The following COL20A1 variants were observed in gnomAD, a reference collection of about 807,000 sequenced individuals.
COL20A1 encodes the protein collagen type XX alpha 1 chain.
COL20A1 carries 164 observed loss-of-function variants against 152.9 expected under a neutral mutation model. The ratio of observed to expected loss-of-function variants is 1.07; its 90% CI spans 0.94 to 1.22. The LOEUF (loss-of-function observed/expected upper bound fraction) is 1.22, where lower values mean the gene tolerates loss of function less well. COL20A1 is among the 50% of genes most tolerant of loss of function. The probability of loss-of-function intolerance (pLI) is 0.00; values close to 1 mark genes in which losing one functional copy is unlikely to be tolerated. For missense variants in COL20A1, 1,873 were observed against 1,744.8 expected (o/e 1.07, Z -1.31); for synonymous variants, 864 against 756.0 (o/e 1.14, Z -2.34).
rs983864676 is a variant in COL20A1, at chr20:63,311,285, A to C, written c.1394-109A>C. 26 of 1,222,810 alleles carry C rather than the reference A, an allele frequency of 2.1e-5. No homozygotes were observed. Among genetic ancestry groups the C allele is most frequent in the Non-Finnish European group, 2.8e-5 (25 of 900,154 alleles). The allele number at this position is 1,222,810 out of a possible 1,614,324, so 75.7% of individuals were successfully genotyped here. ...GGAAGTGCCACTTTGAATCCTGTGC[A>C]CCTGCCAGGCGGTGGCCGTGCCCAC... On this transcript the variant is annotated intron_variant, in intron 11 of 35. Coordinates refer to ENST00000358894, the MANE Select transcript of COL20A1 (RefSeq NM_020882.4). The surrounding 1 kb of genome is among the most constrained non-coding windows in gnomAD (Gnocchi z 4.4).
intron 29 of COL20A1, 31 bp downstream of exon 29, chr20:63,325,752 A>G: frequency 6.3e-7 from 1 of 1,599,700 alleles, no homozygotes; most frequent in Non-Finnish European, 8.6e-7. Flanking sequence ...GGGTTCTGTC[A>G]GGGTGGTAGA....
chr20:63,329,195 G>A lies in COL20A1; in HGVS notation c.3782-390G>A, dbSNP rs1026105640. ...CTGGGGGCAACCTGGGGGGAGCCCC[G>A]TGGGCTGTGGGAACCCCTGCCCCCG... On this transcript the variant is annotated intron_variant, in intron 34 of 35. Transcript: ENST00000358894. 9.7e-5 allele frequency: 21 copies of A among 217,278 alleles called. 1 individual carries two copies. The highest frequency in any genetic ancestry group is 9.3e-4 in the South Asian group (11 of 11,766). The allele number at this position is 217,278 out of a possible 1,614,324, so 13.5% of individuals were successfully genotyped here. A position where few individuals can be genotyped will look rare whatever the true frequency, so the allele number is the denominator to read the frequency against.
In COL20A1 at chr20:63,319,719, C is replaced by T; in HGVS notation, c.2916+123C>T. 2 of 661,554 alleles carry T rather than the reference C, an allele frequency of 3.0e-6. No homozygotes were observed. The highest frequency in any genetic ancestry group is 5.2e-6 in the Non-Finnish European group (2 of 384,066). The allele number at this position is 661,554 out of a possible 1,614,324, so 41.0% of individuals were successfully genotyped here. On this transcript the variant is annotated intron_variant, in intron 23 of 35. Transcript: ENST00000358894. This position sits in a 1 kb window ranked among gnomAD's most constrained non-coding sequence, Gnocchi z 4.4. ...GAGCAGGACCTTCCTTGGGAGGGAACATTGACCTGGGGCTCTGTTCCTCTA... is the reference window on the plus strand; with the variant it reads ...GAGCAGGACCTTCCTTGGGAGGGAATATTGACCTGGGGCTCTGTTCCTCTA...
intron 21 of COL20A1, among the ~76,000 whole-genome samples, chr20:63,318,435 G>GC (rs963486774): frequency 6.6e-6 from 1 of 152,162 alleles, no homozygotes; most frequent in African/African-American, 2.4e-5. Context: ...TCTATCAGAG[G>GC]CCCGAGACCC....
intron 1 of COL20A1, among the ~76,000 whole-genome samples, chr20:63,294,131 G>A (rs373058298): frequency 9.6e-5 from 10 of 104,314 alleles, no homozygotes; most frequent in Middle Eastern, 4.5e-3. Context: ...GTGCAGGGGA[G>A]CGGAGTGTGA....
chr20:63,312,752 CAG>C (rs2068027058), intron 15 of COL20A1, 38 bp from the exon 16 acceptor site: 2 of 1,507,458 alleles, frequency 1.3e-6, no homozygotes, highest in Non-Finnish European at 8.9e-7. Flanking sequence ...TGCCCAGGCT[CAG>C]GGGCTACACC....
intron 34 of COL20A1, 56 bp from the exon 35 acceptor site, chr20:63,329,529 C>T: frequency 7.8e-6 from 11 of 1,403,920 alleles, no homozygotes; most frequent in Non-Finnish European, 1.1e-5. Flanking sequence ...CCCGTCAGAA[C>T]AGGGCCCCAA....
intron 29 of COL20A1, 85 bp downstream of exon 29, chr20:63,325,806 G>T (rs2068238510): frequency 8.0e-6 from 10 of 1,247,812 alleles, no homozygotes; most frequent in Admixed American, 1.9e-5. Flanking sequence ...AGGCTGTGGG[G>T]TAGGGAGGGG....
chr20:63,299,740 G>A (rs1238333911), intron 3 of COL20A1, among the ~76,000 whole-genome samples: 1 of 151,830 alleles, frequency 6.6e-6, no homozygotes, highest in Non-Finnish European at 1.5e-5. Context: ...TCTTCAGTGA[G>A]GTGGTTATTT....
rs1013724873 is a variant in COL20A1, at chr20:63,308,093, A to G, written c.775+3A>G. 1.9e-6 allele frequency: 3 copies of G among 1,601,232 alleles called. No individual in the cohort carries two copies. Among genetic ancestry groups the G allele is most frequent in the Non-Finnish European group, 2.5e-6 (3 of 1,179,462 alleles). On this transcript the variant is annotated splice_donor_region_variant and intron_variant, in intron 7 of 35. Coordinates refer to ENST00000358894, the MANE Select transcript of COL20A1 (RefSeq NM_020882.4). Reference sequence around the variant, plus strand: ...CAAGGGGGGGAACACGTTCACAGGTACGGCCCAGGCCTGCCCCTCCCTCTG... The same window carrying G: ...CAAGGGGGGGAACACGTTCACAGGTGCGGCCCAGGCCTGCCCCTCCCTCTG...
chr20:63,322,770 C>T (rs2068184169), intron 27 of COL20A1, among the ~76,000 whole-genome samples: 1 of 152,258 alleles, frequency 6.6e-6, no homozygotes, highest in South Asian at 2.1e-4. Context: ...AGCAAGGCCG[C>T]CCTCCTCCCG....
In COL20A1 at chr20:63,307,487, C is replaced by A. The variant is rs2067940922; in HGVS notation, c.497-3C>A. On this transcript the variant is annotated splice_region_variant and splice_polypyrimidine_tract_variant and intron_variant, in intron 5 of 35. Transcript: ENST00000358894. ...AGCACCTGACCCGCTCCCACCGCCC[C>A]AGCCGGCCCCCAGTTCCGCTGCCTG... 1 of 1,610,322 alleles carries A rather than the reference C, an allele frequency of 6.2e-7. No individual in the cohort carries two copies.
intron 34 of COL20A1, 193 bp from the exon 35 acceptor site, chr20:63,329,392 A>C: frequency 3.5e-6 from 2 of 578,624 alleles, no homozygotes; most frequent in South Asian, 2.0e-5. Flanking sequence ...CAGAACTGTC[A>C]TGGAGCCCAG....
chr20:63,316,000 G>A (rs2068079031), intron 20 of COL20A1, among the ~76,000 whole-genome samples: 1 of 152,222 alleles, frequency 6.6e-6, no homozygotes, highest in Non-Finnish European at 1.5e-5. Flanking sequence ...GTGGTGGCTG[G>A]CACCTGCGGC....
Position 63,309,441 on chromosome 20 carries a change from T to C in COL20A1, c.1049T>C (p.Leu350Pro). ...DFLQLGALAG[L>P]LSRLICQRLQ... is the part of the protein sequence containing the mutation. ...CTGCAGCTCGGCGCGCTGGCTGGCC[T>C]GCTCAGCCGTCTCATCTGCCAGAGG... Residue 350 changes from leucine (L) to proline (P), a missense_variant, in exon 9 of 36, where the codon CTG becomes CCG. By Grantham distance (98) the Leu-to-Pro change is moderately conservative. Coordinates refer to ENST00000358894, the MANE Select transcript of COL20A1 (RefSeq NM_020882.4). The C allele has an allele frequency of 1.3e-6, 2 of 1,542,704 alleles. No individual in the cohort carries two copies. Among genetic ancestry groups the C allele is most frequent in the Non-Finnish European group, 1.8e-6 (2 of 1,141,608 alleles).
intron 21 of COL20A1, among the ~76,000 whole-genome samples, chr20:63,318,282 C>A (rs80095577): frequency 6.6e-6 from 1 of 152,190 alleles, no homozygotes; most frequent in South Asian, 2.1e-4. Flanking sequence ...ATCACAGGTG[C>A]CCAGGCCCCA....
intron 3 of COL20A1, among the ~76,000 whole-genome samples, chr20:63,301,064 C>T (rs551695188): frequency 6.6e-6 from 1 of 152,336 alleles, no homozygotes; most frequent in Admixed American, 6.5e-5. Flanking sequence ...CCTATAATCC[C>T]AGCTCTTTGG....
intron 5 of COL20A1, among the ~76,000 whole-genome samples, chr20:63,307,044 G>C (rs1051958899): frequency 6.6e-6 from 1 of 152,216 alleles, no homozygotes; most frequent in Non-Finnish European, 1.5e-5. Flanking sequence ...TCTGGCCCTG[G>C]CTCTGGGGCC....
chr20:63,305,973 C>G lies in COL20A1; in HGVS notation c.430C>G (p.Pro144Ala). ...PEPTPSHTGS[P>A]DPEQASEPQV... is the part of the protein sequence containing the mutation. ...GCCCACCCCCTCCCACACGGGGAGC[C>G]CAGACCCTGAGCAGGCTTCTGAGCC... is the stretch of plus-strand genomic sequence containing the variant. The change falls in exon 5 of 36, where the codon CCA (proline) becomes GCA (alanine). Residue 144 changes from proline to alanine, a missense_variant. Pro to Ala is a conservative substitution (Grantham distance 27, BLOSUM62 -1). Transcript: ENST00000358894. This position sits in a 1 kb window ranked among gnomAD's most constrained non-coding sequence, Gnocchi z 4.9. The G allele has an allele frequency of 6.2e-7, 1 of 1,612,790 alleles. No individual in the cohort carries two copies. The highest frequency in any genetic ancestry group is 1.1e-5 in the South Asian group (1 of 91,058).
Sources: allele counts gnomAD v4.1 joint callset (sites outside exome capture counted in the v4.1 genomes callset), GRCh38; gene constraint gnomAD v4.1.1; non-coding constraint Gnocchi (gnomAD v3.1); transcripts MANE v1.5; gene names NCBI Gene and HGNC (gene_info 2026-07-23, HGNC 2026-07-21).